The following RAB34 variants were observed in gnomAD, a reference collection of about 807,000 sequenced individuals.
RAB34 encodes the protein RAB34, member RAS oncogene family, also known as ras-related protein Rab-34.
A neutral mutation model predicts 39.0 loss-of-function variants in RAB34; 33 were observed. That is an observed-to-expected ratio of 0.85 (90% CI 0.64 to 1.13). The LOEUF is 1.13. RAB34 is among the 50% of genes most tolerant of loss of function. The pLI, the probability that RAB34 is intolerant of heterozygous loss-of-function variation, is 0.00. For synonymous variants in RAB34, 135 were observed against 125.1 expected, an observed-to-expected ratio of 1.08 and a Z score of -0.53; for missense variants, 289 against 326.1, an observed-to-expected ratio of 0.89 and a Z score of 0.88.
At chr17:28,714,949 A>T (rs2033090236) in intron 8 of RAB34, 49 bp from the exon 9 acceptor site, 2 of 1,597,372 alleles carry the variant, frequency 1.3e-6, no homozygotes, top group Non-Finnish European at 1.7e-6. Context: ...GGGTCTGGGG[A>T]CACAGGGCAC....
Position 28,717,438 on chromosome 17 carries a change from C to T in RAB34, c.-172G>A. 1.3e-6 allele frequency: 2 copies of T among 1,482,978 alleles called. No individual in the cohort carries two copies. The highest frequency in any genetic ancestry group is 1.8e-6 in the Non-Finnish European group (2 of 1,116,212). 91.9% of individuals were successfully genotyped at this position (1,482,978 alleles called of 1,614,324 possible). On this transcript the variant is annotated 5_prime_UTR_variant, in exon 1 of 10. Transcript: ENST00000395245. The stretch of plus-strand genomic sequence containing the variant: ...GGTCTCGGAGACGCTACGACCACCG[C>T]GGGCCACGGAGATGAAACAATCACC...
intron 2 of RAB34, chr17:28,716,416 CT>C: frequency 3.4e-6 from 1 of 294,402 alleles, no homozygotes; most frequent in Non-Finnish European, 6.4e-6. Flanking sequence ...CTAAGACACC[CT>C]CCCCCCCGCA....
intron 1 of RAB34, 29 bp from the exon 2 acceptor site, chr17:28,717,023 G>A: frequency 6.2e-7 from 1 of 1,610,640 alleles, no homozygotes; most frequent in Non-Finnish European, 8.5e-7. Context: ...AGAGAATGGA[G>A]CTTCCTACTC....
chr17:28,717,689 G>C lies in RAB34; in HGVS notation c.-423C>G. The C allele has an allele frequency of 7.3e-7, 1 of 1,363,226 alleles. No homozygotes were observed. Among genetic ancestry groups the C allele is most frequent in the Non-Finnish European group, 9.4e-7 (1 of 1,063,692 alleles). The allele number at this position is 1,363,226 out of a possible 1,614,324, so 84.4% of individuals were successfully genotyped here. ...CCGCGGAGACCCGACGTCATCTCGGGGCTGAGGCTGCCCTACCATTACAGA... is the reference window on the plus strand; with the variant it reads ...CCGCGGAGACCCGACGTCATCTCGGCGCTGAGGCTGCCCTACCATTACAGA... On this transcript the variant is annotated 5_prime_UTR_variant, in exon 1 of 10. Coordinates refer to ENST00000395245, the MANE Select transcript of RAB34 (RefSeq NM_031934.6).
rs758038888 is a variant in RAB34 at position 28,715,975 on chromosome 17, GC to G, written c.212+17del. 7 of 1,613,872 alleles carry G rather than the reference GC, an allele frequency of 4.3e-6. No homozygotes were observed. Among genetic ancestry groups the G allele is most frequent in the Admixed American group, 1.7e-5 (1 of 60,022 alleles). ...GCTTGGCCCCACCCTGCCCAGCTCA[GC>G]TCCAGCACCCCCTTACCTATTAATG... is the stretch of plus-strand genomic sequence containing the variant. On this transcript the variant is annotated intron_variant, in intron 3 of 9. Coordinates refer to ENST00000395245, the MANE Select transcript of RAB34 (RefSeq NM_031934.6).
rs1254745084 is a variant in RAB34, at chr17:28,717,329, C to A, written c.-63G>T. ...CGAGGCCGGATCCGCGTCAGCGACC[C>A]GGGCGCGTGGAGACCCGACGATCAC... On this transcript the variant is annotated 5_prime_UTR_variant, in exon 1 of 10. Coordinates refer to ENST00000395245, the MANE Select transcript of RAB34 (RefSeq NM_031934.6). The A allele has an allele frequency of 1.3e-6, 2 of 1,542,990 alleles. No individual in the cohort carries two copies. Among genetic ancestry groups the A allele is most frequent in the East Asian group, 2.4e-5 (1 of 40,946 alleles).
At chr17:28,714,973 G>T in intron 8 of RAB34, 59 bp downstream of exon 8, 1 of 1,596,250 alleles carries the variant, frequency 6.3e-7, no homozygotes, top group Non-Finnish European at 8.6e-7. Flanking sequence ...TGGAGGTGTA[G>T]CAGTGAGAGG....
intron 2 of RAB34, 145 bp downstream of exon 2, chr17:28,716,758 G>T: frequency 1.1e-6 from 1 of 905,638 alleles, no homozygotes. Flanking sequence ...AGAAAAGGAG[G>T]GGATACAGGG....
At chr17:28,718,273 C>T (rs756351598), upstream of RAB34, 2 of 1,541,124 alleles carry the variant, frequency 1.3e-6, no homozygotes, top group Non-Finnish European at 1.7e-6. Flanking sequence ...CTCATAGAGT[C>T]TGCCCCCTCT....
chr17:28,716,907 C>T lies in RAB34; in HGVS notation c.142G>A (p.Val48Met). 6.2e-7 allele frequency: 1 copy of T among 1,612,104 alleles called. No individual in the cohort carries two copies. Among genetic ancestry groups the T allele is most frequent in the Non-Finnish European group, 8.5e-7 (1 of 1,179,286 alleles). The change falls in exon 2 of 10, where the codon GTG (valine) becomes ATG (methionine). Residue 48 changes from valine (V) to methionine (M), a missense_variant. Transcript: ENST00000395245. ...CACQEHRTGT[V>M]GFKISKVIVV... ...TTGTGGGTGTCCCTAACTCACCCCA[C>T]GGTGCCTGTCCGGTGCTCCTGGCAG... is the stretch of plus-strand genomic sequence containing the variant.
chr17:28,717,152 G>A (rs2033603633), intron 1 of RAB34, 61 bp downstream of exon 1: 3 of 1,546,410 alleles, frequency 1.9e-6, no homozygotes, highest in Admixed American at 1.9e-5. Flanking sequence ...GTCTGGTGCC[G>A]CCTCCTCCTC....
chr17:28,715,156 C>A, intron 7 of RAB34, 34 bp from the exon 8 acceptor site: 1 of 1,613,826 alleles, frequency 6.2e-7, no homozygotes, highest in East Asian at 2.2e-5. Context: ...GGGGGCATTC[C>A]CTCACCAAGC....
Position 28,716,051 on chromosome 17 carries a change from T to G in RAB34, c.154A>C (p.Ile52Leu). 6.2e-7 allele frequency: 1 copy of G among 1,613,694 alleles called. No individual in the cohort carries two copies. The highest frequency in any genetic ancestry group is 8.5e-7 in the Non-Finnish European group (1 of 1,179,960). Reference sequence around the variant, plus strand: ...TCCCCCACCACAATGACCTTGGAGATCTTAAATCTGCTGGACACAAGAGTG... The same window carrying G: ...TCCCCCACCACAATGACCTTGGAGAGCTTAAATCTGCTGGACACAAGAGTG... ...EHRTGTVGFK[I>L]SKVIVVGDLS... The change falls in exon 3 of 10, where the codon ATC becomes CTC. Residue 52 changes from isoleucine to leucine, a missense_variant. Ile to Leu is a conservative substitution (Grantham distance 5). Transcript: ENST00000395245.
At chr17:28,718,280 C>G (rs527782156), upstream of RAB34, 44 of 1,536,092 alleles carry the variant, frequency 2.9e-5, no homozygotes, top group South Asian at 5.1e-4. Flanking sequence ...AGTCTGCCCC[C>G]TCTCGCCCTT....
In RAB34 at chr17:28,717,520, G is replaced by C. The variant is rs1463348362; in HGVS notation, c.-254C>G. On this transcript the variant is annotated 5_prime_UTR_variant, in exon 1 of 10. Coordinates refer to ENST00000395245, the MANE Select transcript of RAB34 (RefSeq NM_031934.6). ...CCCTGGGCGTCCCGAAGATGACTCT[G>C]GGGCGAGGAGACTCTTCGGCCGCCA... 30 of 1,426,238 alleles carry C rather than the reference G, an allele frequency of 2.1e-5. No individual in the cohort carries two copies. Among genetic ancestry groups the C allele is most frequent in the Non-Finnish European group, 2.5e-5 (27 of 1,093,160 alleles). The allele number at this position is 1,426,238 out of a possible 1,614,324, so 88.3% of individuals were successfully genotyped here. A position where few individuals can be genotyped will look rare whatever the true frequency, so the allele number is the denominator to read the frequency against.
Position 28,715,081 on chromosome 17 carries a change from C to T in RAB34, c.555G>A (p.Gln185=). The T allele has an allele frequency of 6.2e-7, 1 of 1,614,152 alleles. No individual in the cohort carries two copies. Among genetic ancestry groups the T allele is most frequent in the East Asian group, 2.2e-5 (1 of 44,884 alleles). ...ACTCAGCCTTCATCTCCTGGGCCACCTGGAGGGCGTCTTTCTCCATCAGCG... is the reference window on the plus strand; with the variant it reads ...ACTCAGCCTTCATCTCCTGGGCCACTTGGAGGGCGTCTTTCTCCATCAGCG... ...QYALMEKDAL[Q]VAQEMKAEYW... Residue 185 remains glutamine (Q), a synonymous_variant, in exon 8 of 10, where the codon CAG becomes CAA. Coordinates refer to ENST00000395245, the MANE Select transcript of RAB34 (RefSeq NM_031934.6).
intron 2 of RAB34, chr17:28,716,541 T>A (rs61324630): frequency 0.096 from 24,466 of 255,352 alleles, 1,324 homozygotes; most frequent in East Asian, 0.14. Context: ...TGGTGCCAAC[T>A]GTTATCAGTA....
At chr17:28,718,102 G>A, upstream of RAB34, 2 of 1,603,784 alleles carry the variant, frequency 1.2e-6, no homozygotes, top group Non-Finnish European at 8.5e-7. Context: ...ACCCGGCTGC[G>A]CCTTCATGGG....
In RAB34 at chr17:28,717,198, G is replaced by T. The variant is rs766945038; in HGVS notation, c.54+15C>A. On this transcript the variant is annotated intron_variant, in intron 1 of 9. Transcript: ENST00000395245. ...CGGGCTGTAGACTGAAGCCCGACGT[G>T]GCCCCGGCGCCTACCTGGGGCAGCT... 3.8e-6 allele frequency: 6 copies of T among 1,594,080 alleles called. No individual in the cohort carries two copies. In the African/African-American group the frequency reaches 6.7e-5, roughly 18 times the overall value.
Sources: allele counts gnomAD v4.1 joint callset, GRCh38; gene constraint gnomAD v4.1.1; transcripts MANE v1.5; gene names NCBI Gene and HGNC (gene_info 2026-07-23, HGNC 2026-07-21).